The following ELMO1 variants were observed in gnomAD, a reference collection of about 807,000 sequenced individuals.
ELMO1 encodes engulfment and cell motility protein 1.
In ELMO1, 26 loss-of-function variants were observed where a neutral mutation model predicts 98.9. The observed-to-expected ratio is 0.26, with a 90% CI of 0.19 to 0.36. The LOEUF (loss-of-function observed/expected upper bound fraction) is 0.36. Ranked by LOEUF, ELMO1 falls within the 10% of genes least tolerant of loss-of-function variation. The pLI is 1.00. For missense variants in ELMO1, 627 were observed against 935.2 expected, an observed-to-expected ratio of 0.67 and a Z score of 4.30; for synonymous variants, 346 against 346.0, an observed-to-expected ratio of 1.00 and a Z score of 0.00.
At chr7:37,334,154 T>A (rs1282685700) in intron 2 of ELMO1, among the ~76,000 whole-genome samples, 5 of 152,230 alleles carry the variant, frequency 3.3e-5, no homozygotes, top group Non-Finnish European at 7.3e-5. Context: ...TCATGAGTGA[T>A]TCTGATACAG....
At chr7:37,030,056 A>T (rs921269536) in intron 15 of ELMO1, among the ~76,000 whole-genome samples, 2 of 152,090 alleles carry the variant, frequency 1.3e-5, no homozygotes, top group African/African-American at 4.8e-5. Flanking sequence ...CCCTAAACCA[A>T]ATTCAGTGAG....
At chr7:37,356,549 C>T (rs1299975900) in intron 1 of ELMO1, among the ~76,000 whole-genome samples, 1 of 152,088 alleles carries the variant, frequency 6.6e-6, no homozygotes, top group Non-Finnish European at 1.5e-5. Flanking sequence ...CATGTTCTCA[C>T]TCATAAGTGG....
intron 9 of ELMO1, 58 bp from the exon 10 acceptor site, chr7:37,222,751 C>T: frequency 6.6e-7 from 1 of 1,522,452 alleles, no homozygotes; most frequent in South Asian, 1.2e-5. Flanking sequence ...GAGGCTAGCC[C>T]TGGGTCAAAC....
intron 4 of ELMO1, among the ~76,000 whole-genome samples, chr7:37,294,343 C>A (rs938923267): frequency 7.1e-6 from 1 of 140,126 alleles, no homozygotes; most frequent in Admixed American, 7.2e-5. Flanking sequence ...GGTGACTGAG[C>A]GAGAAGCCAT....
chr7:37,185,163 T>A (rs1791126610), intron 13 of ELMO1, among the ~76,000 whole-genome samples: 1 of 152,214 alleles, frequency 6.6e-6, no homozygotes, highest in Non-Finnish European at 1.5e-5. Context: ...ATCGACAGAT[T>A]AAGTTGAATT....
chr7:37,423,555 G>A (rs902867193), intron 1 of ELMO1, among the ~76,000 whole-genome samples: 5 of 152,130 alleles, frequency 3.3e-5, no homozygotes, highest in Admixed American at 1.3e-4. Flanking sequence ...ACTCCAGCCC[G>A]GGTGACAGAG....
At chr7:37,115,928 C>A (rs1785559558) in intron 14 of ELMO1, among the ~76,000 whole-genome samples, 1 of 152,046 alleles carries the variant, frequency 6.6e-6, no homozygotes, top group Non-Finnish European at 1.5e-5. Context: ...AACAAATGAG[C>A]CATTCTAATG....
At position 37,246,773 on chromosome 7, in the gene ELMO1, C is replaced by CAGATAGATAGATAGATAGAT. The variant is rs543282035; in HGVS notation, c.414-2383_414-2382insATCTATCTATCTATCTATCT. On this transcript the variant is annotated intron_variant, in intron 6 of 21. Coordinates refer to ENST00000310758, the MANE Select transcript of ELMO1 (RefSeq NM_014800.11). ...AAGATGTAGGTAACTGATGGAGAGACAGATAGATAGATAGATAAACAGACA... is the reference window on the plus strand; with the variant it reads ...AAGATGTAGGTAACTGATGGAGAGACAGATAGATAGATAGATAGATAGATAGATAGATAGATAAACAGACA... Among the ~76,000 whole-genome samples, 285 of 151,754 alleles carry CAGATAGATAGATAGATAGAT rather than the reference C, an allele frequency of 1.9e-3. 1 individual carries two copies. The highest frequency in any genetic ancestry group is 6.7e-3 in the African/African-American group (275 of 41,298).
chr7:36,980,149 G>T (rs1382887085), intron 16 of ELMO1, among the ~76,000 whole-genome samples: 2 of 152,188 alleles, frequency 1.3e-5, no homozygotes, highest in Non-Finnish European at 2.9e-5. Context: ...GCAAGAGGAT[G>T]AGTAAAGAGC....
intron 16 of ELMO1, among the ~76,000 whole-genome samples, chr7:36,965,985 T>C (rs1328636085): frequency 6.6e-6 from 1 of 152,176 alleles, no homozygotes; most frequent in Non-Finnish European, 1.5e-5. Context: ...AAAGAAAAAC[T>C]CTGAAGGAAA....
chr7:37,090,907 G>A (rs1048382998), intron 15 of ELMO1, among the ~76,000 whole-genome samples: 3 of 152,210 alleles, frequency 2.0e-5, no homozygotes, highest in Non-Finnish European at 4.4e-5. Context: ...CATGTCCACA[G>A]TGACCCTGAT....
chr7:37,421,458 C>G (rs184823573), intron 1 of ELMO1, among the ~76,000 whole-genome samples: 1 of 152,210 alleles, frequency 6.6e-6, no homozygotes, highest in Non-Finnish European at 1.5e-5. Context: ...CTTCCTCAAG[C>G]CCCTTATCAA....
intron 13 of ELMO1, among the ~76,000 whole-genome samples, chr7:37,210,044 T>C (rs1792865703): frequency 6.6e-6 from 1 of 152,184 alleles, no homozygotes; most frequent in Admixed American, 6.5e-5. Context: ...TGTTAGTTTT[T>C]TAGGTTTTTA....
chr7:37,206,835 A>T (rs1478979215), intron 13 of ELMO1, among the ~76,000 whole-genome samples: 1 of 152,048 alleles, frequency 6.6e-6, no homozygotes, highest in African/African-American at 2.4e-5. Flanking sequence ...CTTTTTTTAA[A>T]AAAAAAAAGC....
At chr7:36,934,908 T>C (rs1242995356) in intron 16 of ELMO1, among the ~76,000 whole-genome samples, 1 of 152,230 alleles carries the variant, frequency 6.6e-6, no homozygotes, top group Non-Finnish European at 1.5e-5. Flanking sequence ...TTGAGTGAGA[T>C]GCCAGGGACA....
chr7:37,044,776 A>C (rs867496742), intron 15 of ELMO1, among the ~76,000 whole-genome samples: 1 of 152,174 alleles, frequency 6.6e-6, no homozygotes, highest in Non-Finnish European at 1.5e-5. Flanking sequence ...CAGAAATCTC[A>C]AATGTAACAT....
At position 37,352,706 on chromosome 7, in the gene ELMO1, C is replaced by T. The variant is rs565427272; in HGVS notation, c.-73-9943G>A. Among the ~76,000 whole-genome samples the T allele has an allele frequency of 5.8e-4, 88 of 152,276 alleles. 1 individual carries two copies. In the South Asian group the frequency reaches 0.018, roughly 31 times the overall value. On this transcript the variant is annotated intron_variant, in intron 1 of 21. Coordinates refer to ENST00000310758, the MANE Select transcript of ELMO1 (RefSeq NM_014800.11). ...AATTATCACCACCTGCATCTATGGG[C>T]TTGTCTCCAGGAAAGTAGCCCAATT...
At position 36,877,969 on chromosome 7, in the gene ELMO1, A is replaced by C. The variant is rs746008463; in HGVS notation, c.1822+41T>G. On this transcript the variant is annotated intron_variant, in intron 19 of 21. Coordinates refer to ENST00000310758, the MANE Select transcript of ELMO1 (RefSeq NM_014800.11). The stretch of plus-strand genomic sequence containing the variant: ...ATATATTGTGACTAGGAAACAACCA[A>C]CCGACCACCACTCAGGCCTCTGCCA... 3.3e-6 allele frequency: 5 copies of C among 1,504,450 alleles called. No individual in the cohort carries two copies. The African/African-American group carries it at 6.9e-5, about 21-fold the overall frequency. 93.2% of individuals were successfully genotyped at this position (1,504,450 alleles called of 1,614,324 possible). A position where few individuals can be genotyped will look rare whatever the true frequency, so the allele number is the denominator to read the frequency against.
chr7:37,375,663 G>A (rs905770088), intron 1 of ELMO1: 5 of 1,238,346 alleles, frequency 4.0e-6, no homozygotes, highest in African/African-American at 1.5e-5. Flanking sequence ...AGGTCATGAA[G>A]GCCATGCAGT....
Sources: gnomAD v4.1 joint callset for allele counts (sites outside exome capture counted in the v4.1 genomes callset) on GRCh38, gnomAD v4.1.1 for gene constraint, MANE v1.5 for transcripts, NCBI Gene and HGNC (gene_info 2026-07-23, HGNC 2026-07-21) for gene names.